ST6GAL1: variants seen among roughly 807,000 people sequenced by gnomAD.
ST6GAL1 encodes ST6 beta-galactoside alpha-2,6-sialyltransferase 1.
In ST6GAL1, 20 loss-of-function variants were observed where a neutral mutation model predicts 38.0. The observed-to-expected ratio is 0.53, with a 90% CI of 0.37 to 0.77. The LOEUF is 0.77. Among genes scored for constraint, ST6GAL1 ranks in the 30% least tolerant of loss-of-function variants. ST6GAL1 has a pLI of 0.00. For synonymous variants in ST6GAL1, 196 were observed against 188.2 expected, an observed-to-expected ratio of 1.04 and a Z score of -0.34; for missense variants, 432 against 496.4, an observed-to-expected ratio of 0.87 and a Z score of 1.23.
At chr3:187,015,338 G>C (rs1327485086) in intron 2 of ST6GAL1, among the ~76,000 whole-genome samples, 1 of 152,172 alleles carries the variant, frequency 6.6e-6, no homozygotes, top group Non-Finnish European at 1.5e-5. Flanking sequence ...TAAATACCAA[G>C]GGTCAACTAT....
At chr3:187,040,792 ATTC>A (rs751810452) in intron 3 of ST6GAL1, among the ~76,000 whole-genome samples, 3 of 152,176 alleles carry the variant, frequency 2.0e-5, no homozygotes, top group Non-Finnish European at 4.4e-5. Context: ...TTCTATCTGA[ATTC>A]TTCTTCCACT....
At chr3:187,052,104 T>C (rs574802454) in intron 5 of ST6GAL1, among the ~76,000 whole-genome samples, 5 of 152,226 alleles carry the variant, frequency 3.3e-5, no homozygotes, top group African/African-American at 1.2e-4. Flanking sequence ...GTCCTGGGCA[T>C]GGGGTGGATC....
intron 2 of ST6GAL1, among the ~76,000 whole-genome samples, chr3:186,966,161 A>G (rs1283036748): frequency 2.0e-5 from 3 of 152,276 alleles, no homozygotes; most frequent in Middle Eastern, 3.4e-3. Flanking sequence ...AGGCCTCCCA[A>G]CGTGCTGGGA....
chr3:186,941,702 T>C (rs1714181936), intron 1 of ST6GAL1, among the ~76,000 whole-genome samples: 1 of 152,020 alleles, frequency 6.6e-6, no homozygotes, highest in Non-Finnish European at 1.5e-5. Context: ...TGCCGTGTTA[T>C]AAAGTGATCC....
Position 187,042,462 on chromosome 3 carries a change from C to T in ST6GAL1, c.-50-192C>T, listed in dbSNP as rs917257376. ...GAAGAGGAAGAGGGACTGCTGTCCA[C>T]GTTCAAAGCCCAAATTGAGTCTGAC... On this transcript the variant is annotated intron_variant, in intron 3 of 7. Coordinates refer to ENST00000169298, the MANE Select transcript of ST6GAL1 (RefSeq NM_173216.2). Among the ~76,000 whole-genome samples, 5 of 152,082 alleles carry T rather than the reference C, an allele frequency of 3.3e-5. No individual in the cohort carries two copies. In the East Asian group the frequency reaches 5.8e-4, roughly 18 times the overall value.
At chr3:187,070,731 G>A (rs955328914) in intron 5 of ST6GAL1, among the ~76,000 whole-genome samples, 9 of 151,918 alleles carry the variant, frequency 5.9e-5, no homozygotes, top group African/African-American at 2.2e-4. Flanking sequence ...CCCAACACTC[G>A]CTCACTTTAT....
intron 2 of ST6GAL1, among the ~76,000 whole-genome samples, chr3:187,021,164 A>G (rs978251871): frequency 6.6e-6 from 1 of 151,920 alleles, no homozygotes; most frequent in African/African-American, 2.4e-5. Context: ...GGATTTCACC[A>G]TGTTGGCCAG....
chr3:187,051,144 TG>T, intron 4 of ST6GAL1, 104 bp from the exon 5 acceptor site: 1 of 955,494 alleles, frequency 1.0e-6, no homozygotes, highest in Non-Finnish European at 1.7e-6. Context: ...GGGGTAAAGA[TG>T]GGGAAGCATT....
intron 2 of ST6GAL1, among the ~76,000 whole-genome samples, chr3:187,015,575 C>T (rs1052392226): frequency 1.8e-4 from 28 of 152,132 alleles, no homozygotes; most frequent in African/African-American, 6.0e-4. Context: ...CAGCAGCTCA[C>T]GCCTGTAATC....
At chr3:187,018,375 G>A (rs1222601275) in intron 2 of ST6GAL1, among the ~76,000 whole-genome samples, 2 of 152,030 alleles carry the variant, frequency 1.3e-5, no homozygotes, top group Admixed American at 6.6e-5. Flanking sequence ...AAAACTAATA[G>A]GATAGATGTA....
At chr3:186,939,322 CT>C (rs755355780) in intron 1 of ST6GAL1, among the ~76,000 whole-genome samples, 2 of 152,098 alleles carry the variant, frequency 1.3e-5, no homozygotes, top group Non-Finnish European at 2.9e-5. Context: ...ATCCTCCTGC[CT>C]TGGCCTCCCA....
chr3:186,958,968 T>TTAAA (rs113465096), intron 1 of ST6GAL1, among the ~76,000 whole-genome samples: 22 of 136,104 alleles, frequency 1.6e-4, no homozygotes, highest in Admixed American at 1.3e-3. Context: ...AAAAAAAAAA[T>TTAAA]TAAATAAATA....
chr3:186,996,893 T>C (rs1716430301), intron 2 of ST6GAL1, among the ~76,000 whole-genome samples: 1 of 151,794 alleles, frequency 6.6e-6, no homozygotes, highest in Admixed American at 6.6e-5. Context: ...ACTGGTATCC[T>C]GCACTTTCCA....
chr3:187,025,265 A>G (rs4686838), intron 2 of ST6GAL1, among the ~76,000 whole-genome samples: 75,012 of 151,856 alleles, frequency 0.49, 18,937 homozygotes, highest in African/African-American at 0.6. Context: ...AATTACTCCA[A>G]GAAAAATCGA....
chr3:187,067,886 T>C (rs1719223702), intron 5 of ST6GAL1, among the ~76,000 whole-genome samples: 1 of 152,186 alleles, frequency 6.6e-6, no homozygotes, highest in Non-Finnish European at 1.5e-5. Context: ...CTGAATTTAA[T>C]ACCTTGAGTA....
At chr3:187,074,130 C>T (rs1719481549) in intron 6 of ST6GAL1, 29 bp from the exon 7 acceptor site, 1 of 1,581,786 alleles carries the variant, frequency 6.3e-7, no homozygotes, top group South Asian at 1.2e-5. Flanking sequence ...CCATTTCTCC[C>T]TTGAGAGGAC....
chr3:187,006,183 T>C (rs147721722), intron 2 of ST6GAL1: 1 of 152,320 alleles, frequency 6.6e-6, no homozygotes, highest in East Asian at 1.9e-4. Flanking sequence ...CCAGTTCCAT[T>C]TGCCTCTTAC....
intron 2 of ST6GAL1, among the ~76,000 whole-genome samples, chr3:186,999,017 TC>T (rs1716515650): frequency 6.6e-6 from 1 of 152,210 alleles, no homozygotes; most frequent in African/African-American, 2.4e-5. Context: ...TCCCTCCTCT[TC>T]CCACTGTGGC....
At chr3:186,935,421 G>A (rs112093507) in intron 1 of ST6GAL1, among the ~76,000 whole-genome samples, 22 of 152,166 alleles carry the variant, frequency 1.4e-4, no homozygotes, top group African/African-American at 5.1e-4. Flanking sequence ...CTGTTGATGG[G>A]TATTTAGATC....
Sources: allele counts gnomAD v4.1 joint callset (sites outside exome capture counted in the v4.1 genomes callset), GRCh38; gene constraint gnomAD v4.1.1; transcripts MANE v1.5; gene names NCBI Gene and HGNC (gene_info 2026-07-23, HGNC 2026-07-21).